The following ERCC3 variants were observed in gnomAD, a reference collection of about 807,000 sequenced individuals.
ERCC3 encodes general transcription and DNA repair factor IIH helicase/translocase subunit XPB.
In ERCC3, 66 loss-of-function variants were observed where a neutral mutation model predicts 94.2. The observed-to-expected ratio is 0.70, with a 90% confidence interval of 0.57 to 0.86. The LOEUF is 0.86. ERCC3 is among the 40% of genes least tolerant of loss of function. The probability of loss-of-function intolerance (pLI) is 0.00; values close to 1 mark genes in which losing one functional copy is unlikely to be tolerated. For synonymous variants in ERCC3, 349 were observed against 369.1 expected, an observed-to-expected ratio of 0.95 and a Z score of 0.63; for missense variants, 829 against 987.1, an observed-to-expected ratio of 0.84 and a Z score of 2.15.
At chr2:127,275,293 G>C (rs184885257) in intron 10 of ERCC3, among the ~76,000 whole-genome samples, 8 of 152,242 alleles carry the variant, frequency 5.3e-5, no homozygotes, top group African/African-American at 1.9e-4. Flanking sequence ...GCCCCCCAAA[G>C]TGCTGGGATT....
At position 127,257,639 on chromosome 2, in the gene ERCC3, G is replaced by A. The variant is rs2104725653; in HGVS notation, c.2306C>T (p.Pro769Leu). Reference protein sequence around the residue: ...MEYHSSRSKAPSKHVHPLFKR... With the variant: ...MEYHSSRSKALSKHVHPLFKR... ...GAAGAGCGGGTGTACATGTTTGCTG[G>A]GCGCCTTGCTCCGCGATGAGTGGTA... is the stretch of plus-strand genomic sequence containing the variant. The change falls in exon 15 of 15, where the codon CCC becomes CTC. Residue 769 changes from proline (P) to leucine (L), a missense_variant. Pro to Leu is a moderately conservative substitution (Grantham distance 98, BLOSUM62 -3). Coordinates refer to ENST00000285398, the MANE Select transcript of ERCC3 (RefSeq NM_000122.2). The surrounding 1 kb of genome is among the most constrained non-coding windows in gnomAD (Gnocchi z 5.4). The A allele has an allele frequency of 1.2e-6, 2 of 1,614,152 alleles. No homozygotes were observed. Among genetic ancestry groups the A allele is most frequent in the Middle Eastern group, 1.7e-4 (1 of 6,042 alleles).
At position 127,289,476 on chromosome 2, in the gene ERCC3, C is replaced by A; in HGVS notation, c.683G>T (p.Gly228Val). The A allele has an allele frequency of 6.2e-7, 1 of 1,612,668 alleles. No homozygotes were observed. The highest frequency in any genetic ancestry group is 8.5e-7 in the Non-Finnish European group (1 of 1,180,018). Residue 228 changes from glycine to valine, a missense_variant, in exon 6 of 15, where the codon GGT becomes GTT. Coordinates refer to ENST00000285398, the MANE Select transcript of ERCC3 (RefSeq NM_000122.2). The stretch of plus-strand genomic sequence containing the variant: ...TGTCACTCGGGAAGTGGAGGGCCCA[C>A]CACTGCTTTCAGCAGTCTTAGAAAT... ...SAISKTAESS[G>V]GPSTSRVTDP...
Position 127,279,257 on chromosome 2 carries a change from T to G in ERCC3, c.1646A>C (p.Lys549Thr). 1 of 1,613,924 alleles carries G rather than the reference T, an allele frequency of 6.2e-7. No homozygotes were observed. The highest frequency in any genetic ancestry group is 8.5e-7 in the Non-Finnish European group (1 of 1,179,790). Residue 549 changes from lysine (K) to threonine (T), a missense_variant, in exon 10 of 15, where the codon AAG becomes ACG. Coordinates refer to ENST00000285398, the MANE Select transcript of ERCC3 (RefSeq NM_000122.2). This position sits in a 1 kb window ranked among gnomAD's most constrained non-coding sequence, Gnocchi z 4.7. ...NKFRACQFLI[K>T]FHERRNDKII... ...CTTGTCATTCCTCCTTTCATGAAAC[T>G]TGATCAGAAACTGGCAAGCTCTAAA...
chr2:127,293,833 T>A, intron 1 of ERCC3, 115 bp from the exon 2 acceptor site: 1 of 1,586,738 alleles, frequency 6.3e-7, no homozygotes. Flanking sequence ...GCCACCTGCA[T>A]CCCGCAGGCG....
chr2:127,289,413 A>G lies in ERCC3; in HGVS notation c.746T>C (p.Phe249Ser). The change falls in exon 6 of 15, where the codon TTT (phenylalanine) becomes TCT (serine). Residue 249 changes from phenylalanine (F) to serine (S), a missense_variant. By Grantham distance (155) the Phe-to-Ser change is radical. Transcript: ENST00000285398. ...QGKSDIPMDL[F>S]DFYEQMDKDE... ...CTTGTCCATTTGCTCATAGAAGTCA[A>G]ACAGGTCCATGGGGATGTCAGATTT... 1 of 1,613,470 alleles carries G rather than the reference A, an allele frequency of 6.2e-7. No individual in the cohort carries two copies. Among genetic ancestry groups the G allele is most frequent in the African/African-American group, 1.3e-5 (1 of 75,012 alleles).
chr2:127,288,069 G>A (rs1158834457), intron 7 of ERCC3, among the ~76,000 whole-genome samples: 1 of 152,136 alleles, frequency 6.6e-6, no homozygotes, highest in Non-Finnish European at 1.5e-5. Flanking sequence ...GCCTCTGTAA[G>A]TCCTCAGTGG....
chr2:127,282,088 C>A (rs901005866), intron 8 of ERCC3, among the ~76,000 whole-genome samples: 1 of 152,130 alleles, frequency 6.6e-6, no homozygotes, highest in Admixed American at 6.5e-5. Flanking sequence ...GCATACTACT[C>A]AATATATTTT....
rs968671022 is a variant in ERCC3, at chr2:127,290,042, G to A, written c.521+182C>T. 4 of 762,438 alleles carry A rather than the reference G, an allele frequency of 5.2e-6. No homozygotes were observed. The Admixed American group carries it at 8.6e-5, about 16-fold the overall frequency. 47.2% of individuals were successfully genotyped at this position (762,438 alleles called of 1,614,324 possible). A position where few individuals can be genotyped will look rare whatever the true frequency, so the allele number is the denominator to read the frequency against. ...GGGCCTGAGCCCAGCTCCACTGCTA[G>A]AGGAAATACAGTGGCCAGTGGATGA... On this transcript the variant is annotated intron_variant, in intron 4 of 14. Transcript: ENST00000285398.
Position 127,290,267 on chromosome 2 carries a change from T to C in ERCC3, c.478A>G (p.Thr160Ala). 1.2e-6 allele frequency: 2 copies of C among 1,613,440 alleles called. No homozygotes were observed. The highest frequency in any genetic ancestry group is 1.7e-6 in the Non-Finnish European group (2 of 1,179,310). Residue 160 changes from threonine (T) to alanine (A), a missense_variant, in exon 4 of 15, where the codon ACT (threonine) becomes GCT (alanine). Physicochemically the swap from Thr to Ala is moderately conservative, Grantham distance 58. Transcript: ENST00000285398. ...DGIMQFIKLC[T>A]VSYGKVKLVL... ...AGCTTGACTTTTCCATAGCTGACAG[T>C]ACACAACTGCAAATACAGATAACAT...
chr2:127,278,672 G>T (rs942197266), intron 10 of ERCC3, among the ~76,000 whole-genome samples: 7 of 152,190 alleles, frequency 4.6e-5, no homozygotes, highest in Admixed American at 4.6e-4. Context: ...CTTTACAAAA[G>T]CCAGGTTTTA....
chr2:127,272,620 C>T (rs1228391510), intron 11 of ERCC3, among the ~76,000 whole-genome samples: 1 of 152,198 alleles, frequency 6.6e-6, no homozygotes, highest in Non-Finnish European at 1.5e-5. Flanking sequence ...AAAACTTCTA[C>T]ATCCCCAAAA....
rs568374196 is a variant in ERCC3, at chr2:127,266,229, T to C, written c.1946-4883A>G. Among the ~76,000 whole-genome samples the C allele has an allele frequency of 3.3e-5, 5 of 151,972 alleles. No homozygotes were observed. In the East Asian group the frequency reaches 9.7e-4, roughly 29 times the overall value. ...GGCATGAGCCACTGTGCCTGGCCAA[T>C]TGTGTGGTTTTGAGAGTTCTTCCTG... On this transcript the variant is annotated intron_variant, in intron 12 of 14. Coordinates refer to ENST00000285398, the MANE Select transcript of ERCC3 (RefSeq NM_000122.2).
intron 8 of ERCC3, among the ~76,000 whole-genome samples, chr2:127,281,770 C>T (rs976695146): frequency 3.7e-4 from 56 of 150,674 alleles, no homozygotes; most frequent in African/African-American, 1.4e-3. Flanking sequence ...CACACACAAA[C>T]ACACACACAC....
At position 127,257,737 on chromosome 2, in the gene ERCC3, A is replaced by T. The variant is rs1438872060; in HGVS notation, c.2218-10T>A. The T allele has an allele frequency of 6.2e-7, 1 of 1,614,108 alleles. No homozygotes were observed. The highest frequency in any genetic ancestry group is 1.3e-5 in the African/African-American group (1 of 74,936). ...CAAAGCGCCGAGATGCCTGCCGGGA[A>T]GGGGGAACCAGCCCATGTTAGTCTC... On this transcript the variant is annotated splice_polypyrimidine_tract_variant and intron_variant, in intron 14 of 14. Coordinates refer to ENST00000285398, the MANE Select transcript of ERCC3 (RefSeq NM_000122.2). The surrounding 1 kb of genome is among the most constrained non-coding windows in gnomAD (Gnocchi z 5.4).
In ERCC3 at chr2:127,280,563, C is replaced by G. The variant is rs371627165; in HGVS notation, c.1411G>C (p.Val471Leu). 1 of 1,614,202 alleles carries G rather than the reference C, an allele frequency of 6.2e-7. No homozygotes were observed. The highest frequency in any genetic ancestry group is 8.5e-7 in the Non-Finnish European group (1 of 1,180,034). Residue 471 changes from valine (V) to leucine (L), a missense_variant, in exon 9 of 15, where the codon GTC becomes CTC. By Grantham distance (32) the Val-to-Leu change is conservative. Coordinates refer to ENST00000285398, the MANE Select transcript of ERCC3 (RefSeq NM_000122.2). This position sits in a 1 kb window ranked among gnomAD's most constrained non-coding sequence, Gnocchi z 6.3. ...HCKLGLTATL[V>L]REDDKIVDLN... ...TCCACAATTTTGTCATCTTCGCGGA[C>G]GAGGGTCGCAGTCAAACCCAGCTTA...
rs540366260 is a variant in ERCC3 at position 127,294,121 on chromosome 2, C to T, written c.-40G>A. 2.5e-6 allele frequency: 4 copies of T among 1,599,768 alleles called. No homozygotes were observed. The highest frequency in any genetic ancestry group is 2.2e-5 in the South Asian group (2 of 90,470). Reference sequence around the variant, plus strand: ...CAGAGAGAAGATGACCCCGCTCCCACAGGCCCGCCGCGGCATCCGCTCTGG... The same window carrying T: ...CAGAGAGAAGATGACCCCGCTCCCATAGGCCCGCCGCGGCATCCGCTCTGG... On this transcript the variant is annotated 5_prime_UTR_variant, in exon 1 of 15. The change creates a new upstream start codon in the 5' untranslated region. Transcript: ENST00000285398.
intron 8 of ERCC3, among the ~76,000 whole-genome samples, chr2:127,285,199 A>G (rs1365126717): frequency 6.6e-6 from 1 of 152,236 alleles, no homozygotes; most frequent in Non-Finnish European, 1.5e-5. Flanking sequence ...ACAGCAGTTC[A>G]GTAGTCATCT....
chr2:127,293,344 C>T (rs1358034547), intron 2 of ERCC3, among the ~76,000 whole-genome samples, 169 bp downstream of exon 2: 1 of 152,200 alleles, frequency 6.6e-6, no homozygotes, highest in Non-Finnish European at 1.5e-5. Context: ...CACGTGTGCG[C>T]AACTGCTCGC....
intron 13 of ERCC3, chr2:127,260,164 G>C: frequency 6.5e-6 from 1 of 153,480 alleles, no homozygotes; most frequent in Non-Finnish European, 1.4e-5. Context: ...GTGCACATCT[G>C]CCCAGGCCCA....
Sources: allele counts gnomAD v4.1 joint callset (sites outside exome capture counted in the v4.1 genomes callset), GRCh38; gene constraint gnomAD v4.1.1; non-coding constraint Gnocchi (gnomAD v3.1); transcripts MANE v1.5; gene names NCBI Gene and HGNC (gene_info 2026-07-23, HGNC 2026-07-21).